CWF19L2: variants seen among roughly 807,000 people sequenced by gnomAD.
CWF19L2 encodes the protein CWF19 like cell cycle control factor 2.
In CWF19L2, 98 loss-of-function variants were observed where a neutral mutation model predicts 111.7. The ratio of observed to expected loss-of-function variants is 0.88; its 90% CI spans 0.75 to 1.04. The LOEUF is 1.04. Ranked by LOEUF, CWF19L2 falls within the 50% of genes least tolerant of loss-of-function variation. CWF19L2 has a pLI of 0.00. For synonymous variants in CWF19L2, 351 were observed against 342.9 expected, an observed-to-expected ratio of 1.02 and a Z score of -0.26; for missense variants, 1,101 against 1,051.4, an observed-to-expected ratio of 1.05 and a Z score of -0.65.
In CWF19L2 at chr11:107,416,091, T is replaced by C; in HGVS notation, c.1617+118A>G. Reference sequence around the variant, plus strand: ...CAGCCTGGGCGACAGAGCAAGACACTATCTCAAAAAAATAGATAAAATAAA... The same window carrying C: ...CAGCCTGGGCGACAGAGCAAGACACCATCTCAAAAAAATAGATAAAATAAA... On this transcript the variant is annotated intron_variant, in intron 10 of 17. Transcript: ENST00000282251. 1 of 240,956 alleles carries C rather than the reference T, an allele frequency of 4.2e-6. No individual in the cohort carries two copies. Among genetic ancestry groups the C allele is most frequent in the Non-Finnish European group, 7.6e-6 (1 of 131,642 alleles). 14.9% of individuals were successfully genotyped at this position (240,956 alleles called of 1,614,324 possible).
chr11:107,400,234 G>C (rs1860980987), intron 10 of CWF19L2, among the ~76,000 whole-genome samples: 1 of 83,424 alleles, frequency 1.2e-5, no homozygotes, highest in South Asian at 3.2e-4. Context: ...AGAACTAAAT[G>C]AAATTGAAAA....
chr11:107,428,292 T>C (rs540583401), intron 8 of CWF19L2, among the ~76,000 whole-genome samples: 1 of 152,286 alleles, frequency 6.6e-6, no homozygotes, highest in East Asian at 1.9e-4. Context: ...TATTTCTTTC[T>C]TTGTGCAAAA....
At chr11:107,431,542 A>G (rs1163461517) in intron 7 of CWF19L2, among the ~76,000 whole-genome samples, 1 of 152,066 alleles carries the variant, frequency 6.6e-6, no homozygotes, top group African/African-American at 2.4e-5. Context: ...TCGTAAATTT[A>G]TAACAAATTT....
At chr11:107,393,973 T>C in intron 10 of CWF19L2, among the ~76,000 whole-genome samples, 1 of 152,088 alleles carries the variant, frequency 6.6e-6, no homozygotes, top group Non-Finnish European at 1.5e-5. Context: ...AACCTCACCA[T>C]TATGCAATAT....
chr11:107,411,010 A>C (rs1381394439), intron 10 of CWF19L2, among the ~76,000 whole-genome samples: 1 of 151,998 alleles, frequency 6.6e-6, no homozygotes, highest in South Asian at 2.1e-4. Flanking sequence ...GCAAAGCTTG[A>C]CTACAAGAAG....
At chr11:107,330,244 T>C (rs576641478) in intron 16 of CWF19L2, among the ~76,000 whole-genome samples, 1 of 152,310 alleles carries the variant, frequency 6.6e-6, no homozygotes, top group Non-Finnish European at 1.5e-5. Context: ...TATCTATGAA[T>C]TATAATCAAA....
At chr11:107,403,918 C>G (rs1861042569) in intron 10 of CWF19L2, 2 of 833,730 alleles carry the variant, frequency 2.4e-6, no homozygotes, top group Middle Eastern at 3.2e-4. Flanking sequence ...ACTGAGGAAC[C>G]ATTAAGGACT....
At chr11:107,440,977 A>G (rs952972709) in intron 5 of CWF19L2, among the ~76,000 whole-genome samples, 1 of 152,200 alleles carries the variant, frequency 6.6e-6, no homozygotes, top group Non-Finnish European at 1.5e-5. Flanking sequence ...GGAATTCCAG[A>G]TTACCAGGAT....
At chr11:107,362,144 T>G (rs1165909068) in intron 12 of CWF19L2, among the ~76,000 whole-genome samples, 1 of 151,984 alleles carries the variant, frequency 6.6e-6, no homozygotes, top group Non-Finnish European at 1.5e-5. Flanking sequence ...ACTACGAGAT[T>G]ATATCCCGCA....
intron 15 of CWF19L2, 85 bp downstream of exon 15, chr11:107,336,471 GAA>G: frequency 8.9e-7 from 1 of 1,120,746 alleles, no homozygotes; most frequent in South Asian, 1.5e-5. Flanking sequence ...GTATATAGGA[GAA>G]AAATATGTTA....
At chr11:107,453,683 A>G (rs936664087) in intron 3 of CWF19L2, among the ~76,000 whole-genome samples, 1 of 151,748 alleles carries the variant, frequency 6.6e-6, no homozygotes, top group African/African-American at 2.4e-5. Context: ...CGCCTTAGGT[A>G]CCAGCTCAGC....
intron 12 of CWF19L2, among the ~76,000 whole-genome samples, chr11:107,361,972 G>T (rs187479279): frequency 1.1e-4 from 17 of 152,214 alleles, no homozygotes; most frequent in African/African-American, 2.4e-5. Flanking sequence ...TGCACGCACC[G>T]TGCGTGAGCC....
intron 1 of CWF19L2, among the ~76,000 whole-genome samples, chr11:107,456,508 A>G (rs887686664): frequency 6.6e-6 from 1 of 152,056 alleles, no homozygotes; most frequent in Non-Finnish European, 1.5e-5. Flanking sequence ...CAATACCAAC[A>G]TTTCACCTAC....
intron 12 of CWF19L2, among the ~76,000 whole-genome samples, chr11:107,354,705 T>C (rs1334340443): frequency 2.6e-5 from 4 of 152,192 alleles, no homozygotes; most frequent in African/African-American, 9.6e-5. Flanking sequence ...AAGGCAAAGA[T>C]GTCATTATCT....
In CWF19L2 at chr11:107,428,897, A is replaced by C. The variant is rs35968518; in HGVS notation, c.1335T>G (p.His445Gln). 54,820 of 1,613,424 alleles carry C rather than the reference A, an allele frequency of 0.034. 2,353 individuals are homozygous for C. Among genetic ancestry groups the C allele is most frequent in the East Asian group, 0.23 (10,178 of 44,828 alleles). Residue 445 changes from histidine to glutamine, a missense_variant, in exon 8 of 18, where the codon CAT becomes CAG. By Grantham distance (24) the His-to-Gln change is conservative. Transcript: ENST00000282251. ...PSETSTDEHQ[H>Q]VPEDPREKSQ... is the part of the protein sequence containing the mutation. ...ATTTTTCTCTTGGGTCTTCTGGAAC[A>C]TGTTGGTGTTCATCAGTACTGGTTT...
chr11:107,424,667 AG>A (rs1333830560), intron 8 of CWF19L2, among the ~76,000 whole-genome samples: 3 of 151,898 alleles, frequency 2.0e-5, no homozygotes, highest in African/African-American at 7.2e-5. Flanking sequence ...TCTTTAAAAG[AG>A]GTGATTTCCA....
chr11:107,446,444 A>T (rs1861703179), intron 3 of CWF19L2, among the ~76,000 whole-genome samples: 1 of 152,222 alleles, frequency 6.6e-6, no homozygotes, highest in Non-Finnish European at 1.5e-5. Flanking sequence ...TCTCAATTCA[A>T]GCATCATTTA....
At chr11:107,335,625 A>C (rs888134121) in intron 15 of CWF19L2, among the ~76,000 whole-genome samples, 15 of 152,198 alleles carry the variant, frequency 9.9e-5, no homozygotes, top group Non-Finnish European at 1.6e-4. Context: ...GAATTTTTTA[A>C]AATGTAGGGA....
rs779144797 is a variant in CWF19L2 at position 107,353,751 on chromosome 11, T to C, written c.1873-15A>G. The C allele has an allele frequency of 5.0e-6, 8 of 1,601,456 alleles. No homozygotes were observed. The highest frequency in any genetic ancestry group is 2.2e-5 in the South Asian group (2 of 90,812). On this transcript the variant is annotated splice_polypyrimidine_tract_variant and intron_variant, in intron 12 of 17. Coordinates refer to ENST00000282251, the MANE Select transcript of CWF19L2 (RefSeq NM_152434.3). ...TTTCCCATAAACTGAAAAACCAAAA[T>C]AACAGTAATAGAGAGTAGAAGGTAG...
Sources: gnomAD v4.1 joint callset for allele counts (sites outside exome capture counted in the v4.1 genomes callset) on GRCh38, gnomAD v4.1.1 for gene constraint, MANE v1.5 for transcripts, NCBI Gene and HGNC (gene_info 2026-07-23, HGNC 2026-07-21) for gene names.